HS3ST4: variants seen among roughly 807,000 people sequenced by gnomAD.
HS3ST4 encodes heparan sulfate-glucosamine 3-sulfotransferase 4.
A neutral mutation model predicts 29.2 loss-of-function variants in HS3ST4; 17 were observed. The ratio of observed to expected loss-of-function variants is 0.58; its 90% CI spans 0.40 to 0.87. The LOEUF (loss-of-function observed/expected upper bound fraction) is 0.87, where lower values mean the gene tolerates loss of function less well. Ranked by LOEUF, HS3ST4 falls within the 40% of genes least tolerant of loss-of-function variation. The pLI is 0.00. For missense variants in HS3ST4, 627 were observed against 634.5 expected, an observed-to-expected ratio of 0.99 and a Z score of 0.13; for synonymous variants, 314 against 285.7, an observed-to-expected ratio of 1.10 and a Z score of -1.00.
At position 25,769,626 on chromosome 16, in the gene HS3ST4, G is replaced by A. The variant is rs559353932; in HGVS notation, c.734+76475G>A. On this transcript the variant is annotated intron_variant, in intron 1 of 1. Coordinates refer to ENST00000331351, the MANE Select transcript of HS3ST4 (RefSeq NM_006040.3). ...GGCACCAGCACCCTTCCTACGGAAA[G>A]GATTTGAAAAGGAAGCCTTGACTTT... Among the ~76,000 whole-genome samples the A allele has an allele frequency of 1.2e-3, 180 of 152,316 alleles. 3 individuals are homozygous for A. Among genetic ancestry groups the A allele is most frequent in the Non-Finnish European group, 1.4e-3 (95 of 68,028 alleles).
At chr16:26,074,789 C>G (rs1046183572) in intron 1 of HS3ST4, among the ~76,000 whole-genome samples, 4 of 152,146 alleles carry the variant, frequency 2.6e-5, no homozygotes, top group African/African-American at 9.7e-5. Flanking sequence ...CCTGTAACTA[C>G]CATGTTCTCT....
chr16:25,888,285 G>C (rs1034147601), intron 1 of HS3ST4, among the ~76,000 whole-genome samples: 4 of 152,132 alleles, frequency 2.6e-5, no homozygotes, highest in African/African-American at 9.7e-5. Flanking sequence ...GAATGAAAAC[G>C]TCCGGTTGAT....
chr16:25,792,644 C>T (rs1003361898), intron 1 of HS3ST4, among the ~76,000 whole-genome samples: 7 of 151,750 alleles, frequency 4.6e-5, no homozygotes, highest in Non-Finnish European at 1.0e-4. Flanking sequence ...GTAATGTTAT[C>T]GCTCCTCTGA....
At chr16:25,977,540 A>G (rs1228119202) in intron 1 of HS3ST4, among the ~76,000 whole-genome samples, 1 of 152,222 alleles carries the variant, frequency 6.6e-6, no homozygotes, top group African/African-American at 2.4e-5. Context: ...CTATCATTGT[A>G]ATATCCAATC....
intron 1 of HS3ST4, among the ~76,000 whole-genome samples, chr16:26,075,319 C>T (rs1196724973): frequency 6.6e-6 from 1 of 152,186 alleles, no homozygotes; most frequent in Non-Finnish European, 1.5e-5. Flanking sequence ...CTGTTCATAT[C>T]TCCCATAGTA....
chr16:26,112,965 G>C (rs1899151565), intron 1 of HS3ST4, among the ~76,000 whole-genome samples: 1 of 152,090 alleles, frequency 6.6e-6, no homozygotes, highest in Admixed American at 6.5e-5. Flanking sequence ...AGAAACTCTT[G>C]CTCTTTTATG....
chr16:25,797,132 C>T (rs1216637451), intron 1 of HS3ST4, among the ~76,000 whole-genome samples: 3 of 152,082 alleles, frequency 2.0e-5, no homozygotes, highest in South Asian at 2.1e-4. Context: ...GGTTGCATGC[C>T]GCGTCCAAAA....
intron 1 of HS3ST4, among the ~76,000 whole-genome samples, chr16:25,885,666 T>G (rs984450692): frequency 6.6e-6 from 1 of 152,102 alleles, no homozygotes; most frequent in Non-Finnish European, 1.5e-5. Context: ...AAGCACCAGC[T>G]GTGATTAATA....
In HS3ST4 at chr16:26,063,074, CA is replaced by C. The variant is rs933139902; in HGVS notation, c.735-72537del. 2.0e-4 allele frequency: 32 copies of C among 160,550 alleles called. 1 individual carries two copies. The highest frequency in any genetic ancestry group is 3.4e-4 in the Non-Finnish European group (25 of 73,508). The allele number at this position is 160,550 out of a possible 1,614,324, so 9.9% of individuals were successfully genotyped here. ...TTTTAACCAATACTTGGCCAAAGAG[CA>C]GAATAAACTTTCTAAATGCTTGTCT... On this transcript the variant is annotated intron_variant, in intron 1 of 1. Coordinates refer to ENST00000331351, the MANE Select transcript of HS3ST4 (RefSeq NM_006040.3).
intron 1 of HS3ST4, among the ~76,000 whole-genome samples, chr16:25,864,850 G>T (rs1967677011): frequency 1.3e-5 from 2 of 150,386 alleles, no homozygotes; most frequent in South Asian, 4.2e-4. Context: ...CATTTTGTGT[G>T]TATATATGCA....
intron 1 of HS3ST4, among the ~76,000 whole-genome samples, chr16:25,868,629 A>G (rs1412651586): frequency 6.6e-6 from 1 of 152,224 alleles, no homozygotes; most frequent in Non-Finnish European, 1.5e-5. Context: ...ACAGAAGAGA[A>G]ACCTTGTGTT....
intron 1 of HS3ST4, among the ~76,000 whole-genome samples, chr16:25,999,172 T>C (rs2141732472): frequency 6.6e-6 from 1 of 152,238 alleles, no homozygotes; most frequent in East Asian, 1.9e-4. Context: ...ATGCAAAAGG[T>C]GTAGGTTCAC....
chr16:25,830,630 G>A (rs549054530), intron 1 of HS3ST4, among the ~76,000 whole-genome samples: 1 of 152,208 alleles, frequency 6.6e-6, no homozygotes, highest in South Asian at 2.1e-4. Context: ...TTAATCAGTG[G>A]GACTTCATTC....
intron 1 of HS3ST4, among the ~76,000 whole-genome samples, chr16:25,879,862 G>A (rs1967875555): frequency 6.6e-6 from 1 of 152,152 alleles, no homozygotes; most frequent in Admixed American, 6.5e-5. Flanking sequence ...CAAAGGAGAA[G>A]CAAAGGCACA....
At chr16:25,702,234 A>G (rs573328015) in intron 1 of HS3ST4, among the ~76,000 whole-genome samples, 2 of 152,238 alleles carry the variant, frequency 1.3e-5, no homozygotes, top group African/African-American at 4.8e-5. Flanking sequence ...AAGATTACCA[A>G]TCCTCCTATG....
chr16:25,724,112 CAAAAAAA>C (rs56115380), intron 1 of HS3ST4, among the ~76,000 whole-genome samples: 3 of 77,264 alleles, frequency 3.9e-5, no homozygotes, highest in Admixed American at 1.7e-4. Context: ...GACTCCATCT[CAAAAAAA>C]AAAAAAAAAA....
chr16:26,044,323 G>T (rs1898241146), intron 1 of HS3ST4, among the ~76,000 whole-genome samples: 1 of 152,212 alleles, frequency 6.6e-6, no homozygotes, highest in African/African-American at 2.4e-5. Context: ...AAAGACGGAA[G>T]CCGTGGAGTT....
At chr16:25,827,957 CTTCT>C (rs1423443736) in intron 1 of HS3ST4, among the ~76,000 whole-genome samples, 1 of 152,044 alleles carries the variant, frequency 6.6e-6, no homozygotes, top group African/African-American at 2.4e-5. Context: ...GTGAGGAAAG[CTTCT>C]TTATGAGGAG....
intron 1 of HS3ST4, among the ~76,000 whole-genome samples, chr16:26,110,424 C>T (rs1243268271): frequency 2.0e-5 from 3 of 152,154 alleles, no homozygotes; most frequent in East Asian, 1.9e-4. Context: ...CCTGACCTCC[C>T]TACACCATGC....
Sources: allele counts gnomAD v4.1 joint callset (sites outside exome capture counted in the v4.1 genomes callset), GRCh38; gene constraint gnomAD v4.1.1; transcripts MANE v1.5; gene names NCBI Gene and HGNC (gene_info 2026-07-23, HGNC 2026-07-21).